The following PID1 variants were observed in gnomAD, a reference collection of about 807,000 sequenced individuals.
PID1 encodes the protein PTB-containing, cubilin and LRP1-interacting protein.
A neutral mutation model predicts 19.1 loss-of-function variants in PID1; 10 were observed. That is an observed-to-expected ratio of 0.52 (90% confidence interval 0.32 to 0.89). PID1 has a LOEUF of 0.89. PID1 is among the 40% of genes least tolerant of loss of function. The pLI, the probability that PID1 is intolerant of heterozygous loss-of-function variation, is 0.03. For missense variants in PID1, 248 were observed against 285.3 expected, an observed-to-expected ratio of 0.87 and a Z score of 0.94; for synonymous variants, 130 against 116.0, an observed-to-expected ratio of 1.12 and a Z score of -0.78.
chr2:229,144,307 A>G (rs1158985177), intron 2 of PID1, among the ~76,000 whole-genome samples: 1 of 152,096 alleles, frequency 6.6e-6, no homozygotes, highest in Non-Finnish European at 1.5e-5. Flanking sequence ...TGACCCAGAG[A>G]CAGAGTCTAC....
In PID1 at chr2:229,227,831, A is replaced by C. The variant is rs1257761360; in HGVS notation, c.30+43183T>G. 32 of 326,952 alleles carry C rather than the reference A, an allele frequency of 9.8e-5. 1 individual carries two copies. Among genetic ancestry groups the C allele is most frequent in the South Asian group, 7.6e-4 (30 of 39,264 alleles). 20.3% of individuals were successfully genotyped at this position (326,952 alleles called of 1,614,324 possible). A position where few individuals can be genotyped will look rare whatever the true frequency, so the allele number is the denominator to read the frequency against. ...TTTTTCTTGTCATTATCTCCCAACC[A>C]ACACAGGGTAACAACGATTTATATA... On this transcript the variant is annotated intron_variant, in intron 1 of 2. Coordinates refer to ENST00000392055, the MANE Select transcript of PID1 (RefSeq NM_001100818.2).
intron 1 of PID1, among the ~76,000 whole-genome samples, chr2:229,170,236 G>A (rs113951597): frequency 2.8e-3 from 424 of 152,260 alleles, no homozygotes; most frequent in Non-Finnish European, 5.0e-3. Flanking sequence ...TTGAGAGACA[G>A]AGAGAGACAA....
At chr2:229,096,463 A>G (rs1478829857) in intron 2 of PID1, among the ~76,000 whole-genome samples, 1 of 152,116 alleles carries the variant, frequency 6.6e-6, no homozygotes, top group Non-Finnish European at 1.5e-5. Context: ...CATATTAGTA[A>G]AGATGTCTCC....
In PID1 at chr2:229,025,965, T is replaced by C. The variant is rs762603145; in HGVS notation, c.321A>G (p.Pro107=). The C allele has an allele frequency of 1.2e-6, 2 of 1,614,212 alleles. No homozygotes were observed. The highest frequency in any genetic ancestry group is 2.2e-5 in the South Asian group (2 of 91,090). Residue 107 remains proline (P), a synonymous_variant, in exon 3 of 3, where the codon CCA becomes CCG. Coordinates refer to ENST00000392055, the MANE Select transcript of PID1 (RefSeq NM_001100818.2). ...CGAGATGATGGAGCCAAACTTGGAATGGCCGGATTTCCAGGAGGGCATTGG... is the reference window on the plus strand; with the variant it reads ...CGAGATGATGGAGCCAAACTTGGAACGGCCGGATTTCCAGGAGGGCATTGG... The part of the protein sequence containing the change: ...FPANALLEIR[P]FQVWLHHLDH...
intron 1 of PID1, among the ~76,000 whole-genome samples, chr2:229,156,533 CTTG>C (rs1179901759): frequency 6.6e-6 from 1 of 152,146 alleles, no homozygotes; most frequent in Non-Finnish European, 1.5e-5. Flanking sequence ...TCCATTGGCT[CTTG>C]TTGTGAAAGA....
intron 2 of PID1, among the ~76,000 whole-genome samples, chr2:229,136,765 A>AT (rs2106174132): frequency 6.6e-6 from 1 of 152,290 alleles, no homozygotes; most frequent in African/African-American, 2.4e-5. Context: ...CCCTGAGAAA[A>AT]TTCAGACAAA....
chr2:229,163,680 T>TGCGCGCGCGC (rs1553570262), intron 1 of PID1, among the ~76,000 whole-genome samples: 10 of 103,714 alleles, frequency 9.6e-5, no homozygotes, highest in African/African-American at 2.8e-4. Flanking sequence ...TGTGTGCGTG[T>TGCGCGCGCGC]GCGTGTGTGT....
intron 1 of PID1, among the ~76,000 whole-genome samples, chr2:229,205,499 G>A (rs1350087873): frequency 6.6e-6 from 1 of 152,008 alleles, no homozygotes. Flanking sequence ...GGTGGAGGTC[G>A]TGGGCACTTT....
At chr2:229,173,280 G>A (rs1690748005) in intron 1 of PID1, among the ~76,000 whole-genome samples, 1 of 152,168 alleles carries the variant, frequency 6.6e-6, no homozygotes. Context: ...ACTCAAGGAT[G>A]CATGGTCACC....
chr2:229,048,931 G>C (rs1014524426), intron 2 of PID1, among the ~76,000 whole-genome samples: 1 of 152,080 alleles, frequency 6.6e-6, no homozygotes, highest in Admixed American at 6.6e-5. Context: ...ATGCAAACTT[G>C]ATTGTATATT....
At chr2:229,196,335 A>G (rs1049077327) in intron 1 of PID1, among the ~76,000 whole-genome samples, 1 of 152,128 alleles carries the variant, frequency 6.6e-6, no homozygotes, top group Non-Finnish European at 1.5e-5. Flanking sequence ...AAAGATAATC[A>G]AAGAATCTAT....
intron 2 of PID1, among the ~76,000 whole-genome samples, chr2:229,099,554 T>C (rs1273962767): frequency 1.3e-5 from 2 of 152,162 alleles, no homozygotes; most frequent in South Asian, 2.1e-4. Context: ...GGTAAACACA[T>C]TCATGTCACA....
At chr2:229,270,865 G>A in intron 1 of PID1, 149 bp downstream of exon 1, 1 of 649,838 alleles carries the variant, frequency 1.5e-6, no homozygotes, top group East Asian at 3.2e-5. Context: ...TCCTGGCGCT[G>A]GGTAAACCGA....
chr2:229,065,785 G>A (rs1694313808), intron 2 of PID1, among the ~76,000 whole-genome samples: 1 of 148,788 alleles, frequency 6.7e-6, no homozygotes. Flanking sequence ...GATAAATGCA[G>A]CTAACTGCAG....
At chr2:229,172,018 G>C (rs1178348892) in intron 1 of PID1, among the ~76,000 whole-genome samples, 2 of 152,136 alleles carry the variant, frequency 1.3e-5, no homozygotes, top group African/African-American at 4.8e-5. Context: ...GGACAGAAAG[G>C]GCTCTGTGCC....
chr2:229,254,833 T>A (rs957041909), intron 1 of PID1, among the ~76,000 whole-genome samples: 1 of 152,230 alleles, frequency 6.6e-6, no homozygotes, highest in Non-Finnish European at 1.5e-5. Flanking sequence ...ATATTTGTAT[T>A]TTCTGAGTTT....
chr2:229,158,088 T>A (rs552097591), intron 1 of PID1, among the ~76,000 whole-genome samples: 11 of 152,262 alleles, frequency 7.2e-5, no homozygotes, highest in Admixed American at 1.3e-4. Context: ...TACATTTGCA[T>A]TTAAAGTAGG....
chr2:229,080,302 C>A (rs1457835754), intron 2 of PID1, among the ~76,000 whole-genome samples: 4 of 152,166 alleles, frequency 2.6e-5, no homozygotes, highest in Non-Finnish European at 4.4e-5. Context: ...CCTTTGTAGC[C>A]TCATTTTCAC....
At chr2:229,150,521 G>A (rs1690229634) in intron 2 of PID1, among the ~76,000 whole-genome samples, 1 of 152,140 alleles carries the variant, frequency 6.6e-6, no homozygotes, top group African/African-American at 2.4e-5. Flanking sequence ...TGCTTTTCCT[G>A]TTCCTATACA....
Sources: gnomAD v4.1 joint callset for allele counts (sites outside exome capture counted in the v4.1 genomes callset) on GRCh38, gnomAD v4.1.1 for gene constraint, MANE v1.5 for transcripts, NCBI Gene and HGNC (gene_info 2026-07-23, HGNC 2026-07-21) for gene names.